Variants in CTNND2 observed in about 807,000 individuals in gnomAD.
The protein encoded by CTNND2 is catenin delta-2.
In CTNND2, 22 loss-of-function variants were observed where a neutral mutation model predicts 144.4. The ratio of observed to expected loss-of-function variants is 0.15; its 90% CI spans 0.11 to 0.22. The LOEUF is 0.22. Ranked by LOEUF, CTNND2 falls within the 10% of genes least tolerant of loss-of-function variation. CTNND2 has a pLI of 1.00. For missense variants in CTNND2, 1,353 were observed against 1,618.8 expected (o/e 0.84, Z 2.82); for synonymous variants, 751 against 695.6 (o/e 1.08, Z -1.25).
At chr5:11,271,345 TC>T (rs1745989850) in intron 9 of CTNND2, among the ~76,000 whole-genome samples, 2 of 152,244 alleles carry the variant, frequency 1.3e-5, no homozygotes, top group Admixed American at 1.3e-4. Context: ...CATACTCATA[TC>T]ACATAAAGTA....
intron 10 of CTNND2, among the ~76,000 whole-genome samples, chr5:11,236,388 G>A (rs911847917): frequency 1.3e-5 from 2 of 152,094 alleles, no homozygotes; most frequent in South Asian, 4.1e-4. Flanking sequence ...TCCCAGAGTC[G>A]GAATTGGGAA....
intron 15 of CTNND2, among the ~76,000 whole-genome samples, chr5:11,091,660 A>G (rs1344359018): frequency 3.3e-5 from 5 of 152,174 alleles, no homozygotes; most frequent in African/African-American, 4.8e-5. Flanking sequence ...ATTTGATAGG[A>G]AAGACTAGAG....
intron 9 of CTNND2, among the ~76,000 whole-genome samples, chr5:11,304,009 C>T (rs527691447): frequency 1.8e-4 from 27 of 152,242 alleles, no homozygotes; most frequent in South Asian, 6.2e-4. Context: ...CTCTCTCTTG[C>T]CTGCCGCCAT....
intron 19 of CTNND2, among the ~76,000 whole-genome samples, chr5:10,989,115 G>A (rs996611955): frequency 6.6e-6 from 1 of 152,192 alleles, no homozygotes; most frequent in Admixed American, 6.5e-5. Flanking sequence ...GTAAAAGGAG[G>A]TTGAATTTTC....
At chr5:11,361,140 C>T (rs1756407909) in intron 8 of CTNND2, among the ~76,000 whole-genome samples, 1 of 152,182 alleles carries the variant, frequency 6.6e-6, no homozygotes, top group African/African-American at 2.4e-5. Flanking sequence ...CCTGCCTCAG[C>T]ATCCCGAGTA....
chr5:11,501,441 T>C (rs1337664254), intron 3 of CTNND2, among the ~76,000 whole-genome samples: 1 of 152,226 alleles, frequency 6.6e-6, no homozygotes, highest in Non-Finnish European at 1.5e-5. Flanking sequence ...GTCTCTCACC[T>C]GACCAGTGAC....
intron 3 of CTNND2, among the ~76,000 whole-genome samples, chr5:11,484,230 TCTGCTC>T (rs1358835222): frequency 1.3e-5 from 2 of 152,232 alleles, no homozygotes; most frequent in Non-Finnish European, 2.9e-5. Flanking sequence ...AGCCGAGTGT[TCTGCTC>T]CTGTAACACC....
chr5:11,399,890 C>A (rs948266616), intron 5 of CTNND2, among the ~76,000 whole-genome samples: 2 of 152,186 alleles, frequency 1.3e-5, no homozygotes, highest in African/African-American at 2.4e-5. Flanking sequence ...TTTTCCATTG[C>A]TCACTAGGTT....
chr5:11,420,294 G>A (rs117405671), intron 3 of CTNND2, among the ~76,000 whole-genome samples: 1,747 of 152,248 alleles, frequency 0.011, 72 homozygotes, highest in East Asian at 0.11. Flanking sequence ...CTGCATTCCA[G>A]CCCGGGCGAC....
chr5:11,586,470 C>T (rs975541467), intron 2 of CTNND2, among the ~76,000 whole-genome samples: 2 of 152,150 alleles, frequency 1.3e-5, no homozygotes, highest in South Asian at 2.1e-4. Context: ...AAAATAGCCA[C>T]AAAACTCAAC....
intron 13 of CTNND2, among the ~76,000 whole-genome samples, chr5:11,114,338 G>A (rs1753332078): frequency 6.6e-6 from 1 of 152,094 alleles, no homozygotes; most frequent in African/African-American, 2.4e-5. Flanking sequence ...GAGATGATTT[G>A]GGAAGAAGCT....
chr5:11,181,659 GTGTGTGTGTGTC>G lies in CTNND2; in HGVS notation c.1975+17777_1975+17788del, dbSNP rs1363245533. Among the ~76,000 whole-genome samples, 138 of 152,010 alleles carry G rather than the reference GTGTGTGTGTGTC, an allele frequency of 9.1e-4. 5 individuals are homozygous for G. Among genetic ancestry groups the G allele is most frequent in the South Asian group, 2.5e-3 (12 of 4,814 alleles). On this transcript the variant is annotated intron_variant, in intron 11 of 21. Coordinates refer to ENST00000304623, the MANE Select transcript of CTNND2 (RefSeq NM_001332.4). The stretch of plus-strand genomic sequence containing the variant: ...AACCCAGGAGGCTCCGTGTGTATGT[GTGTGTGTGTGTC>G]TGTGTGTGTGTCTGTGTGGTGTGTG...
chr5:11,223,970 C>T (rs1740061216), intron 10 of CTNND2, among the ~76,000 whole-genome samples: 1 of 152,118 alleles, frequency 6.6e-6, no homozygotes, highest in Non-Finnish European at 1.5e-5. Flanking sequence ...GGCCTGGGAT[C>T]CCCTGCTTCT....
intron 10 of CTNND2, among the ~76,000 whole-genome samples, chr5:11,215,938 T>C (rs181019117): frequency 2.6e-5 from 4 of 152,234 alleles, no homozygotes; most frequent in African/African-American, 4.8e-5. Context: ...GGGATTTTCA[T>C]AACGAGAGTT....
At chr5:11,657,794 A>C (rs1271745127) in intron 2 of CTNND2, among the ~76,000 whole-genome samples, 1 of 152,254 alleles carries the variant, frequency 6.6e-6, no homozygotes, top group Admixed American at 6.5e-5. Context: ...CTTAACCCCA[A>C]GTCTCAGTAT....
At chr5:11,386,204 C>T (rs943661206) in intron 6 of CTNND2, among the ~76,000 whole-genome samples, 16 of 152,232 alleles carry the variant, frequency 1.1e-4, no homozygotes, top group Middle Eastern at 6.8e-3. Flanking sequence ...TCCAGGCTTT[C>T]CCCGGGGAGC....
intron 3 of CTNND2, among the ~76,000 whole-genome samples, chr5:11,463,040 T>C (rs1171745747): frequency 4.7e-4 from 72 of 152,210 alleles, no homozygotes; most frequent in Admixed American, 4.7e-3. Context: ...CTTCAAAGAT[T>C]AATCACACAA....
chr5:11,518,230 T>C (rs992864868), intron 3 of CTNND2, among the ~76,000 whole-genome samples: 11 of 152,200 alleles, frequency 7.2e-5, no homozygotes, highest in Admixed American at 7.2e-4. Context: ...GGTGTGCTTG[T>C]GTCTTAGTTT....
In CTNND2 at chr5:11,268,396, A is replaced by G. The variant is rs552297428; in HGVS notation, c.1629-31573T>C. 7.0e-4 allele frequency among the ~76,000 whole-genome samples: 107 copies of G among 152,280 alleles called. 1 individual carries two copies. The highest frequency in any genetic ancestry group is 2.5e-3 in the African/African-American group (102 of 41,560). On this transcript the variant is annotated intron_variant, in intron 9 of 21. Transcript: ENST00000304623. ...CCAAGAGTTCAAGATCAGCCTAGAC[A>G]ACATGGTGAAACCTCATCTCTACTA...
Sources: allele counts gnomAD v4.1 joint callset (sites outside exome capture counted in the v4.1 genomes callset), GRCh38; gene constraint gnomAD v4.1.1; transcripts MANE v1.5; gene names NCBI Gene and HGNC (gene_info 2026-07-23, HGNC 2026-07-21).